The following RRM1 variants were observed in gnomAD, a reference collection of about 807,000 sequenced individuals.
RRM1 encodes ribonucleotide reductase catalytic subunit M1.
A neutral mutation model predicts 101.5 loss-of-function variants in RRM1; 19 were observed. That is an observed-to-expected ratio of 0.19 (90% CI 0.13 to 0.27). The LOEUF (loss-of-function observed/expected upper bound fraction) is 0.27. Among genes scored for constraint, RRM1 ranks in the 10% least tolerant of loss-of-function variants. RRM1 has a pLI of 1.00. For missense variants in RRM1, 500 were observed against 962.9 expected, an observed-to-expected ratio of 0.52 and a Z score of 6.36; for synonymous variants, 298 against 323.4, an observed-to-expected ratio of 0.92 and a Z score of 0.84.
At chr11:4,097,071 G>A (rs2094544595) in intron 1 of RRM1, among the ~76,000 whole-genome samples, 1 of 148,750 alleles carries the variant, frequency 6.7e-6, no homozygotes, top group South Asian at 2.1e-4. Flanking sequence ...GATCATTTGA[G>A]GTGTGGAGTT....
At chr11:4,101,264 A>G (rs2094550485) in intron 1 of RRM1, among the ~76,000 whole-genome samples, 1 of 151,802 alleles carries the variant, frequency 6.6e-6, no homozygotes, top group Admixed American at 6.6e-5. Flanking sequence ...GGAGAGTTGG[A>G]GGTGAAATTG....
intron 7 of RRM1, among the ~76,000 whole-genome samples, chr11:4,114,249 G>A (rs1224952653): frequency 1.3e-5 from 2 of 152,020 alleles, no homozygotes; most frequent in African/African-American, 4.8e-5. Context: ...TAGTGAGTGA[G>A]TGGTGAATGA....
intron 1 of RRM1, among the ~76,000 whole-genome samples, chr11:4,100,501 G>A (rs2094549531): frequency 6.6e-6 from 1 of 152,150 alleles, no homozygotes; most frequent in African/African-American, 2.4e-5. Context: ...ACATTGTGTT[G>A]GCATTGAAAA....
At chr11:4,122,867 C>T (rs144650809) in intron 11 of RRM1, among the ~76,000 whole-genome samples, 71 of 146,922 alleles carry the variant, frequency 4.8e-4, no homozygotes, top group African/African-American at 1.8e-3. Flanking sequence ...AACGAAACTC[C>T]GTCTCAAAAA....
chr11:4,130,013 C>G (rs1282537452), intron 15 of RRM1, among the ~76,000 whole-genome samples: 2 of 138,328 alleles, frequency 1.4e-5, no homozygotes, highest in African/African-American at 5.4e-5. Context: ...AGTACACATA[C>G]ATGTGTATTT....
rs187789696 is a variant in RRM1 at position 4,127,863 on chromosome 11, A to G, written c.1692+607A>G. Among the ~76,000 whole-genome samples, 3 of 152,322 alleles carry G rather than the reference A, an allele frequency of 2.0e-5. No individual in the cohort carries two copies. The East Asian group carries it at 5.8e-4, about 29-fold the overall frequency. ...TGTGGGTTAAAACATGGCATTCGTT[A>G]TCTCACAGTTTCCACAGGTCAGGAG... is the stretch of plus-strand genomic sequence containing the variant. On this transcript the variant is annotated intron_variant, in intron 14 of 18. Coordinates refer to ENST00000300738, the MANE Select transcript of RRM1 (RefSeq NM_001033.5).
At chr11:4,109,600 TA>T in intron 4 of RRM1, 43 bp from the exon 5 acceptor site, 1 of 1,504,278 alleles carries the variant, frequency 6.6e-7, no homozygotes, top group Non-Finnish European at 9.1e-7. Flanking sequence ...TGAAAATAAG[TA>T]ATTATTTTAA....
intron 14 of RRM1, among the ~76,000 whole-genome samples, chr11:4,128,772 G>A (rs1022236942): frequency 1.3e-5 from 2 of 152,180 alleles, no homozygotes; most frequent in South Asian, 2.1e-4. Context: ...ACTGAAGAAA[G>A]TAACATTTTT....
At chr11:4,130,719 CTTG>C (rs1257863934) in intron 15 of RRM1, among the ~76,000 whole-genome samples, 3 of 152,214 alleles carry the variant, frequency 2.0e-5, no homozygotes, top group East Asian at 1.9e-4. Flanking sequence ...TATTCTGAGA[CTTG>C]TTATTTAGTG....
chr11:4,134,581 T>C (rs2094605906), intron 17 of RRM1, among the ~76,000 whole-genome samples: 1 of 152,238 alleles, frequency 6.6e-6, no homozygotes. Flanking sequence ...TGTGTTTTAA[T>C]GAAAGTTAAC....
intron 14 of RRM1, among the ~76,000 whole-genome samples, chr11:4,128,459 T>G (rs1238789280): frequency 6.6e-6 from 1 of 152,188 alleles, no homozygotes; most frequent in Non-Finnish European, 1.5e-5. Flanking sequence ...GCAACCTTAA[T>G]TACATCTGCA....
chr11:4,128,311 C>T (rs1424820858), intron 14 of RRM1, among the ~76,000 whole-genome samples: 2 of 152,172 alleles, frequency 1.3e-5, no homozygotes, highest in South Asian at 4.2e-4. Flanking sequence ...GGGGTTTTGC[C>T]ATGTTGGCCA....
chr11:4,123,621 T>G lies in RRM1; in HGVS notation c.1320+237T>G, dbSNP rs1268816403. Among the ~76,000 whole-genome samples, 7 of 152,196 alleles carry G rather than the reference T, an allele frequency of 4.6e-5. No homozygotes were observed. The East Asian group carries it at 9.6e-4, about 21-fold the overall frequency. On this transcript the variant is annotated intron_variant, in intron 12 of 18. Coordinates refer to ENST00000300738, the MANE Select transcript of RRM1 (RefSeq NM_001033.5). The stretch of plus-strand genomic sequence containing the variant: ...CAGTTTTTTCTTATACACACATCAC[T>G]GTAATAACATTTACTCAAGAAAAAT...
chr11:4,113,513 A>G (rs564594521), intron 7 of RRM1, among the ~76,000 whole-genome samples: 8 of 152,278 alleles, frequency 5.3e-5, no homozygotes, highest in Non-Finnish European at 1.2e-4. Flanking sequence ...TAGGTTCAAT[A>G]TACATCAATC....
At chr11:4,124,241 A>T (rs2094586153) in intron 12 of RRM1, among the ~76,000 whole-genome samples, 1 of 152,210 alleles carries the variant, frequency 6.6e-6, no homozygotes, top group South Asian at 2.1e-4. Context: ...GCTTCTGGTT[A>T]CAGAGTGTCT....
intron 1 of RRM1, 147 bp downstream of exon 1, chr11:4,095,178 T>C: frequency 1.0e-6 from 1 of 992,088 alleles, no homozygotes; most frequent in Non-Finnish European, 1.5e-6. Context: ...GTCAGCCCGC[T>C]CGGCCTTCTG....
intron 1 of RRM1, 33 bp from the exon 2 acceptor site, chr11:4,101,939 CTTAATAATTGCTAACATGAAT>C (rs2094552074): frequency 7.6e-6 from 7 of 924,438 alleles, no homozygotes; most frequent in African/African-American, 3.3e-5. Context: ...ACATTGTAGT[CTTAATAATTGCTAACATGAAT>C]TTAATAATTG....
intron 17 of RRM1, among the ~76,000 whole-genome samples, chr11:4,134,133 C>T (rs2094605268): frequency 6.6e-6 from 1 of 151,994 alleles, no homozygotes; most frequent in South Asian, 2.1e-4. Context: ...CAGGTGCCTG[C>T]CACCACGCCC....
At position 4,132,678 on chromosome 11, in the gene RRM1, T is replaced by C. The variant is rs139243589; in HGVS notation, c.1905+257T>C. On this transcript the variant is annotated intron_variant, in intron 16 of 18. Transcript: ENST00000300738. The surrounding 1 kb of genome is among the most constrained non-coding windows in gnomAD (Gnocchi z 4.1). ...GTTGTTGATAGTTAAACATGATGTT[T>C]AACCATTATGTAATCATAGTGATAT... is the stretch of plus-strand genomic sequence containing the variant. Among the ~76,000 whole-genome samples the C allele has an allele frequency of 3.7e-4, 57 of 152,346 alleles. No individual in the cohort carries two copies. The highest frequency in any genetic ancestry group is 1.3e-3 in the African/African-American group (52 of 41,584).
Sources: allele counts gnomAD v4.1 joint callset (sites outside exome capture counted in the v4.1 genomes callset), GRCh38; gene constraint gnomAD v4.1.1; non-coding constraint Gnocchi (gnomAD v3.1); transcripts MANE v1.5; gene names NCBI Gene and HGNC (gene_info 2026-07-23, HGNC 2026-07-21).